Variants in ATP2B2 observed in about 807,000 individuals in gnomAD.
ATP2B2 encodes the protein ATPase plasma membrane Ca2+ transporting 2.
ATP2B2 carries 15 observed loss-of-function variants against 120.0 expected under a neutral mutation model. That is an observed-to-expected ratio of 0.12 (90% CI 0.08 to 0.19). The LOEUF is 0.19. ATP2B2 is among the 10% of genes least tolerant of loss of function. The pLI is 1.00. For missense variants in ATP2B2, 1,045 were observed against 1,719.8 expected (o/e 0.61, Z 6.94); for synonymous variants, 694 against 700.3 (o/e 0.99, Z 0.14).
chr3:10,579,822 A>AAACAAAACAAAACAAAACAG (rs1559468930), intron 2 of ATP2B2, among the ~76,000 whole-genome samples: 1 of 136,812 alleles, frequency 7.3e-6, no homozygotes, highest in Non-Finnish European at 1.5e-5. Context: ...AAACAAAACA[A>AAACAAAACAAAACAAAACAG]AACAAAACAA....
intron 2 of ATP2B2, among the ~76,000 whole-genome samples, chr3:10,607,529 C>A (rs2069119447): frequency 6.6e-6 from 1 of 152,200 alleles, no homozygotes; most frequent in Non-Finnish European, 1.5e-5. Flanking sequence ...ACACCTGGCA[C>A]CCTGGCCAGG....
chr3:10,482,802 G>A (rs2065468060), intron 1 of ATP2B2, among the ~76,000 whole-genome samples: 1 of 152,234 alleles, frequency 6.6e-6, no homozygotes, highest in Non-Finnish European at 1.5e-5. Context: ...CCTCTGCAGT[G>A]AAGGAAAGGC....
chr3:10,541,617 G>A (rs536346520), intron 2 of ATP2B2, among the ~76,000 whole-genome samples: 1 of 152,074 alleles, frequency 6.6e-6, no homozygotes, highest in Non-Finnish European at 1.5e-5. Flanking sequence ...TTCCACCGTG[G>A]CCAGAGAAAA....
rs1381178617 is a variant in ATP2B2 at position 10,336,344 on chromosome 3, C to T, written c.3420+1832G>A. On this transcript the variant is annotated intron_variant, in intron 22 of 22. Transcript: ENST00000360273. Reference sequence around the variant, plus strand: ...CGAGACAAGTTGCGAGAAGAACGAGCACAACGGCTACATGACTGACAGGGC... The same window carrying T: ...CGAGACAAGTTGCGAGAAGAACGAGTACAACGGCTACATGACTGACAGGGC... 3 of 1,536,902 alleles carry T rather than the reference C, an allele frequency of 2.0e-6. No individual in the cohort carries two copies. The African/African-American group carries it at 4.1e-5, about 21-fold the overall frequency.
At chr3:10,541,323 T>G (rs1013861468) in intron 2 of ATP2B2, among the ~76,000 whole-genome samples, 2 of 152,192 alleles carry the variant, frequency 1.3e-5, no homozygotes, top group Non-Finnish European at 2.9e-5. Context: ...GGGTTTATTT[T>G]GCTCTTCCTT....
At chr3:10,405,669 C>T (rs540961067) in intron 3 of ATP2B2, among the ~76,000 whole-genome samples, 13 of 152,132 alleles carry the variant, frequency 8.5e-5, no homozygotes, top group African/African-American at 3.1e-4. Flanking sequence ...CCTGGACCTG[C>T]GGCTATAGAG....
chr3:10,663,250 T>A (rs1222252578), intron 1 of ATP2B2, among the ~76,000 whole-genome samples: 1 of 143,820 alleles, frequency 7.0e-6, no homozygotes, highest in Non-Finnish European at 1.5e-5. Flanking sequence ...ATAATAATAA[T>A]AAAAGAAAGT....
At chr3:10,707,336 C>T (rs959102389) in intron 1 of ATP2B2, among the ~76,000 whole-genome samples, 1 of 152,148 alleles carries the variant, frequency 6.6e-6, no homozygotes, top group African/African-American at 2.4e-5. Context: ...GCTGGAGATG[C>T]GGAGAGCACT....
At position 10,346,204 on chromosome 3, in the gene ATP2B2, G is replaced by C. The variant is rs1040618668; in HGVS notation, c.2405-67C>G. 1.3e-5 allele frequency: 20 copies of C among 1,506,798 alleles called. No individual in the cohort carries two copies. In the African/African-American group the frequency reaches 2.1e-4, roughly 16 times the overall value. 93.3% of individuals were successfully genotyped at this position (1,506,798 alleles called of 1,614,324 possible). A position where few individuals can be genotyped will look rare whatever the true frequency, so the allele number is the denominator to read the frequency against. On this transcript the variant is annotated intron_variant, in intron 16 of 22. Transcript: ENST00000360273. The surrounding 1 kb of genome is among the most constrained non-coding windows in gnomAD (Gnocchi z 4.1). ...TGGGAGGCAGCCTGGGCCAGCCCTG[G>C]TCCTCGGGAGGGGCCTGGCTGGGCA... is the stretch of plus-strand genomic sequence containing the variant.
intron 1 of ATP2B2, among the ~76,000 whole-genome samples, chr3:10,666,837 C>T (rs957936618): frequency 2.6e-5 from 4 of 152,210 alleles, no homozygotes; most frequent in Non-Finnish European, 4.4e-5. Context: ...TGGGTAGTGA[C>T]GGCTGGCCAG....
At chr3:10,488,511 C>CTTCCTTCG (rs1553616955) in intron 1 of ATP2B2, among the ~76,000 whole-genome samples, 2,218 of 75,244 alleles carry the variant, frequency 0.029, 42 homozygotes, top group East Asian at 0.11. Context: ...TCCTTCGTTC[C>CTTCCTTCG]TTCCTTCCTT....
At chr3:10,374,285 T>C (rs577523863) in intron 11 of ATP2B2, among the ~76,000 whole-genome samples, 1 of 152,308 alleles carries the variant, frequency 6.6e-6, no homozygotes, top group South Asian at 2.1e-4. Flanking sequence ...TAGCCTCTTG[T>C]TGTGGCCTGT....
intron 1 of ATP2B2, among the ~76,000 whole-genome samples, chr3:10,680,659 G>A (rs1273594359): frequency 6.6e-6 from 1 of 152,188 alleles, no homozygotes; most frequent in Non-Finnish European, 1.5e-5. Context: ...GGGCCAGGGT[G>A]GTGGTTACTG....
intron 8 of ATP2B2, among the ~76,000 whole-genome samples, chr3:10,384,976 A>G (rs1559263456): frequency 6.6e-6 from 1 of 152,192 alleles, no homozygotes; most frequent in Non-Finnish European, 1.5e-5. Flanking sequence ...CCTTCTTGGG[A>G]GCCAATCTGA....
chr3:10,508,098 A>G (rs1416258470), upstream of ATP2B2, among the ~76,000 whole-genome samples: 2 of 152,102 alleles, frequency 1.3e-5, no homozygotes, highest in Non-Finnish European at 2.9e-5. Context: ...TTCAGACCCT[A>G]AGACTAGAAC....
chr3:10,662,144 A>G (rs1470385528), intron 1 of ATP2B2, among the ~76,000 whole-genome samples: 1 of 152,164 alleles, frequency 6.6e-6, no homozygotes, highest in Admixed American at 6.5e-5. Context: ...AACCATAAAA[A>G]CCCTAGAAGA....
chr3:10,443,445 A>C (rs1414243065), intron 2 of ATP2B2, among the ~76,000 whole-genome samples: 2 of 152,130 alleles, frequency 1.3e-5, no homozygotes, highest in Non-Finnish European at 2.9e-5. Flanking sequence ...CCATGTGACT[A>C]TAAGTGGCCC....
intron 2 of ATP2B2, among the ~76,000 whole-genome samples, chr3:10,576,814 C>T (rs921711102): frequency 2.6e-5 from 4 of 151,980 alleles, no homozygotes; most frequent in Non-Finnish European, 1.5e-5. Flanking sequence ...TCTGTAATCC[C>T]AGCACTTTGG....
intron 3 of ATP2B2, 135 bp downstream of exon 3, chr3:10,410,483 G>T: frequency 8.6e-7 from 1 of 1,159,784 alleles, no homozygotes; most frequent in Non-Finnish European, 1.2e-6. Context: ...TTGGCTATGG[G>T]TGGGGCCCTG....
Sources: allele counts gnomAD v4.1 joint callset (sites outside exome capture counted in the v4.1 genomes callset), GRCh38; gene constraint gnomAD v4.1.1; non-coding constraint Gnocchi (gnomAD v3.1); transcripts MANE v1.5; gene names NCBI Gene and HGNC (gene_info 2026-07-23, HGNC 2026-07-21).